The following SLC12A7 variants were observed in gnomAD, a reference collection of about 807,000 sequenced individuals.
The protein encoded by SLC12A7 is solute carrier family 12 member 7, also known as K-Cl cotransporter 4.
In SLC12A7, 100 loss-of-function variants were observed where a neutral mutation model predicts 120.6. The ratio of observed to expected loss-of-function variants is 0.83; its 90% CI spans 0.71 to 0.98. The LOEUF (loss-of-function observed/expected upper bound fraction) is 0.98. Ranked by LOEUF, SLC12A7 falls within the 50% of genes least tolerant of loss-of-function variation. The pLI, the probability that SLC12A7 is intolerant of heterozygous loss-of-function variation, is 0.00. For synonymous variants in SLC12A7, 760 were observed against 678.0 expected, an observed-to-expected ratio of 1.12 and a Z score of -1.88; for missense variants, 1,373 against 1,548.1, an observed-to-expected ratio of 0.89 and a Z score of 1.90.
chr5:1,145,601 G>A, the SLC12A7 span, among the ~76,000 whole-genome samples: 2 of 152,184 alleles, frequency 1.3e-5, no homozygotes, highest in South Asian at 4.1e-4. This position sits in a 1 kb window ranked among gnomAD's most constrained non-coding sequence, Gnocchi z 4.4. Flanking sequence ...GAAGGTCCCT[G>A]GACAAAAATA....
the SLC12A7 span, among the ~76,000 whole-genome samples, chr5:1,136,077 C>T: frequency 6.6e-6 from 1 of 152,148 alleles, no homozygotes; most frequent in Non-Finnish European, 1.5e-5. Flanking sequence ...TTTAAGCAAA[C>T]AGCTGCTGAT....
At chr5:1,076,052 G>T (rs536057102) in intron 14 of SLC12A7, 86 bp downstream of exon 14, 2 of 1,150,134 alleles carry the variant, frequency 1.7e-6, no homozygotes, top group Non-Finnish European at 2.5e-6. Context: ...GGCTCCTGAC[G>T]CCTGTGCTGA....
intron 10 of SLC12A7, 39 bp from the exon 11 acceptor site, chr5:1,078,797 A>C: frequency 1.2e-6 from 1 of 800,330 alleles, no homozygotes; most frequent in Middle Eastern, 2.6e-4. Flanking sequence ...CCGTGGGTGC[A>C]GGGTCCTCAG....
chr5:1,134,857 G>A, the SLC12A7 span, among the ~76,000 whole-genome samples: 1 of 152,188 alleles, frequency 6.6e-6, no homozygotes, highest in Admixed American at 6.5e-5. Flanking sequence ...GGCACGGCCA[G>A]GCGCGGTGGC....
At chr5:1,121,791 G>A in the SLC12A7 span, among the ~76,000 whole-genome samples, 19 of 152,278 alleles carry the variant, frequency 1.2e-4, no homozygotes, top group African/African-American at 4.1e-4. Context: ...CCGGAGCCGC[G>A]CAGTTTCTCC....
At chr5:1,084,556 G>A (rs1338302196) in intron 7 of SLC12A7, among the ~76,000 whole-genome samples, 5 of 152,236 alleles carry the variant, frequency 3.3e-5, no homozygotes, top group African/African-American at 7.2e-5. Context: ...ACACAGGGCC[G>A]TAGCGTCAAG....
rs1396159233 is a variant in SLC12A7, at chr5:1,063,945, T to G, written c.2638A>C (p.Thr880Pro). 1 of 1,612,518 alleles carries G rather than the reference T, an allele frequency of 6.2e-7. No individual in the cohort carries two copies. The highest frequency in any genetic ancestry group is 8.5e-7 in the Non-Finnish European group (1 of 1,179,810). Reference protein sequence around the residue: ...VWRKCRMRIFTVAQVDDNSIQ... With the variant: ...VWRKCRMRIFPVAQVDDNSIQ... ...CTGTTGTCGTCCACCTGGGCCACGG[T>G]GAAGATACGCATCCGGCACTTCCTC... Residue 880 changes from threonine (T) to proline (P), a missense_variant, in exon 20 of 24, where the codon ACC becomes CCC. Physicochemically the swap from Thr to Pro is conservative, Grantham distance 38. Transcript: ENST00000264930.
chr5:1,079,350 C>A (rs969125360), intron 10 of SLC12A7, 48 bp downstream of exon 10: 18 of 1,450,492 alleles, frequency 1.2e-5, no homozygotes, highest in Non-Finnish European at 1.7e-5. Context: ...ATGGGGGCCT[C>A]CCCCCAGGCA....
the SLC12A7 span, among the ~76,000 whole-genome samples, chr5:1,124,724 C>T: frequency 3.9e-5 from 6 of 152,166 alleles, no homozygotes; most frequent in African/African-American, 1.4e-4. Context: ...GCAGGGCAGA[C>T]ACTGGGGCGA....
chr5:1,103,207 C>T (rs1742180533), intron 1 of SLC12A7, among the ~76,000 whole-genome samples: 2 of 152,158 alleles, frequency 1.3e-5, no homozygotes, highest in African/African-American at 2.4e-5. Flanking sequence ...CTGGCTAAAG[C>T]AGCGCTGCCT....
chr5:1,059,154 C>T (rs906104313), intron 21 of SLC12A7, among the ~76,000 whole-genome samples: 3 of 152,224 alleles, frequency 2.0e-5, no homozygotes, highest in Non-Finnish European at 2.9e-5. Flanking sequence ...CAGACACTCC[C>T]GGCTGCCCGG....
the SLC12A7 span, among the ~76,000 whole-genome samples, chr5:1,123,690 G>A: frequency 7.2e-5 from 11 of 152,230 alleles, no homozygotes; most frequent in South Asian, 2.1e-4. Flanking sequence ...GAGGACACAC[G>A]TCACGTGTGT....
chr5:1,083,143 GTC>G (rs1739401395), intron 8 of SLC12A7, among the ~76,000 whole-genome samples: 1 of 57,000 alleles, frequency 1.8e-5, no homozygotes, highest in Non-Finnish European at 4.7e-5. Context: ...GTTCTGGGAA[GTC>G]CAGGCTTCCC....
chr5:1,137,462 G>A, the SLC12A7 span, among the ~76,000 whole-genome samples: 1 of 152,106 alleles, frequency 6.6e-6, no homozygotes, highest in African/African-American at 2.4e-5. Flanking sequence ...CCAGCCCCAG[G>A]GGGTCCCCAC....
In SLC12A7 at chr5:1,092,432, G is replaced by A. The variant is rs995080881; in HGVS notation, c.342+1101C>T. Among the ~76,000 whole-genome samples, 4 of 152,346 alleles carry A rather than the reference G, an allele frequency of 2.6e-5. 1 individual carries two copies. Among genetic ancestry groups the A allele is most frequent in the Admixed American group, 2.6e-4 (4 of 15,312 alleles). On this transcript the variant is annotated intron_variant, in intron 3 of 23. Coordinates refer to ENST00000264930, the MANE Select transcript of SLC12A7 (RefSeq NM_006598.3). ...ACCCTCCCTGGACCTGGGGGCGCCT[G>A]GCTCAGCACCTCCTTCCTTCCTGCT... is the stretch of plus-strand genomic sequence containing the variant.
rs201915600 is a variant in SLC12A7 at position 1,089,077 on chromosome 5, T to A, written c.394A>T (p.Ile132Phe). ...IGVYLPCLQNILGVILFLRLT... is the reference protein window; with the variant it reads ...IGVYLPCLQNFLGVILFLRLT... ...CGCAGGAAGAGGATGACGCCCAGGA[T>A]GTTCTGCAGGCACGGCAGGTAGACG... The change falls in exon 4 of 24, where the codon ATC becomes TTC. Residue 132 changes from isoleucine to phenylalanine, a missense_variant. Coordinates refer to ENST00000264930, the MANE Select transcript of SLC12A7 (RefSeq NM_006598.3). The A allele has an allele frequency of 2.5e-6, 4 of 1,613,006 alleles. No individual in the cohort carries two copies. Among genetic ancestry groups the A allele is most frequent in the Non-Finnish European group, 3.4e-6 (4 of 1,179,976 alleles).
At chr5:1,060,136 C>T (rs1242874526) in intron 21 of SLC12A7, among the ~76,000 whole-genome samples, 2 of 152,234 alleles carry the variant, frequency 1.3e-5, no homozygotes, top group Admixed American at 6.5e-5. Context: ...GCCCAGGCTC[C>T]GATGAGCTCT....
At position 1,098,271 on chromosome 5, in the gene SLC12A7, GCCCCCACAACCCTCTGCAAGCCCAGC is replaced by G. The variant is rs1561101376; in HGVS notation, c.125-4049_125-4024del. On this transcript the variant is annotated intron_variant, in intron 1 of 23. Transcript: ENST00000264930. Reference sequence around the variant, plus strand: ...CCCCTCTAACCCTCTGCACGCCCAGGCCCCCACAACCCTCTGCAAGCCCAGCCCCCCTCTAACCCTCTGCTCACCCA... The same window carrying G: ...CCCCTCTAACCCTCTGCACGCCCAGGCCCCCTCTAACCCTCTGCTCACCCA... Among the ~76,000 whole-genome samples the G allele has an allele frequency of 6.9e-3, 26 of 3,782 alleles. 5 individuals are homozygous for G. The highest frequency in any genetic ancestry group is 0.011 in the Non-Finnish European group (23 of 2,126). The allele number at this position is 3,782 out of a possible 152,430, so 2.5% of individuals were successfully genotyped here. A position where few individuals can be genotyped will look rare whatever the true frequency, so the allele number is the denominator to read the frequency against.
chr5:1,082,679 A>C (rs865847612), intron 8 of SLC12A7, among the ~76,000 whole-genome samples: 22 of 102,554 alleles, frequency 2.1e-4, no homozygotes, highest in African/African-American at 3.0e-4. Flanking sequence ...CTTCCTCTCT[A>C]GGGTTCTGGA....
Sources: allele counts gnomAD v4.1 joint callset (sites outside exome capture counted in the v4.1 genomes callset), GRCh38; gene constraint gnomAD v4.1.1; non-coding constraint Gnocchi (gnomAD v3.1); transcripts MANE v1.5; gene names NCBI Gene and HGNC (gene_info 2026-07-23, HGNC 2026-07-21).